MAPK10: variants seen among roughly 807,000 people sequenced by gnomAD.
MAPK10 encodes the protein mitogen-activated protein kinase 10, also known as JNK3 alpha protein kinase.
A neutral mutation model predicts 59.3 loss-of-function variants in MAPK10; 25 were observed. That is an observed-to-expected ratio of 0.42 (90% CI 0.31 to 0.59). The LOEUF (loss-of-function observed/expected upper bound fraction) is 0.59, where lower values mean the gene tolerates loss of function less well. Ranked by LOEUF, MAPK10 falls within the 20% of genes least tolerant of loss-of-function variation. The pLI, the probability that MAPK10 is intolerant of heterozygous loss-of-function variation, is 0.15. For synonymous variants in MAPK10, 190 were observed against 200.5 expected (o/e 0.95, Z 0.44); for missense variants, 351 against 568.9 (o/e 0.62, Z 3.90).
At chr4:86,411,651 T>C (rs999330546) in intron 1 of MAPK10, among the ~76,000 whole-genome samples, 14 of 152,230 alleles carry the variant, frequency 9.2e-5, no homozygotes, top group African/African-American at 3.4e-4. Flanking sequence ...TACCATTATG[T>C]AATGGCCTTC....
At chr4:86,076,244 G>C (rs1406436340) in intron 9 of MAPK10, among the ~76,000 whole-genome samples, 1 of 152,176 alleles carries the variant, frequency 6.6e-6, no homozygotes, top group African/African-American at 2.4e-5. Context: ...GCCTCGCCCT[G>C]CTTCGGCTCG....
At chr4:86,136,442 A>G (rs527814595) in intron 4 of MAPK10, among the ~76,000 whole-genome samples, 3 of 151,944 alleles carry the variant, frequency 2.0e-5, no homozygotes, top group South Asian at 2.1e-4. Context: ...ACTAAGCTTC[A>G]TAAGTGAAGG....
chr4:86,451,906 G>A (rs924251494), intron 1 of MAPK10, among the ~76,000 whole-genome samples: 3 of 152,136 alleles, frequency 2.0e-5, no homozygotes, highest in African/African-American at 7.2e-5. Context: ...CTCATCTGGG[G>A]CCTGTGTGCA....
intron 4 of MAPK10, among the ~76,000 whole-genome samples, chr4:86,108,299 C>CTT (rs1277772155): frequency 6.6e-6 from 1 of 152,068 alleles, no homozygotes; most frequent in Non-Finnish European, 1.5e-5. Flanking sequence ...GAGAGAGGCT[C>CTT]TTTTTGCCAT....
intron 13 of MAPK10, among the ~76,000 whole-genome samples, chr4:86,023,685 T>C (rs1748570268): frequency 6.6e-6 from 1 of 151,666 alleles, no homozygotes; most frequent in Non-Finnish European, 1.5e-5. Flanking sequence ...TATGTATTTC[T>C]TGATGCTATT....
intron 1 of MAPK10, among the ~76,000 whole-genome samples, chr4:86,365,961 C>T (rs1392594386): frequency 6.6e-6 from 1 of 152,080 alleles, no homozygotes; most frequent in East Asian, 1.9e-4. Context: ...TATTTAATGG[C>T]ATGTGTGTAG....
chr4:86,325,346 T>A (rs925949162), intron 2 of MAPK10, among the ~76,000 whole-genome samples: 1 of 152,220 alleles, frequency 6.6e-6, no homozygotes, highest in African/African-American at 2.4e-5. Context: ...TCACTACTAT[T>A]ATCTCCATTC....
At chr4:86,225,691 C>T (rs2090484872) in intron 2 of MAPK10, among the ~76,000 whole-genome samples, 1 of 152,166 alleles carries the variant, frequency 6.6e-6, no homozygotes, top group South Asian at 2.1e-4. Context: ...GAATATATCA[C>T]TTATTGCTAT....
intron 2 of MAPK10, among the ~76,000 whole-genome samples, chr4:86,236,945 G>A (rs2092289638): frequency 6.6e-6 from 1 of 152,112 alleles, no homozygotes. Flanking sequence ...GTGCCATGGT[G>A]GTTTGCTGCA....
intron 2 of MAPK10, chr4:86,336,606 C>G (rs974974427): frequency 3.3e-5 from 5 of 152,080 alleles, no homozygotes; most frequent in African/African-American, 1.2e-4. Context: ...GGGAGGTCTT[C>G]CCTCATCCCT....
chr4:86,125,453 A>T lies in MAPK10; in HGVS notation c.237-18101T>A, dbSNP rs906714621. 2.0e-5 allele frequency: 3 copies of T among 152,024 alleles called. No homozygotes were observed. The East Asian group carries it at 5.8e-4, about 29-fold the overall frequency. The allele number at this position is 152,024 out of a possible 1,614,324, so 9.4% of individuals were successfully genotyped here. On this transcript the variant is annotated intron_variant, in intron 4 of 13. Coordinates refer to ENST00000641462, the MANE Select transcript of MAPK10 (RefSeq NM_138982.4). ...AATAACATTATTTTTACGACCATCA[A>T]TATAATATATTTTAGCATGTACTTT...
At chr4:86,563,296 CT>C (rs773590217) in intron 1 of MAPK10, among the ~76,000 whole-genome samples, 50 of 151,916 alleles carry the variant, frequency 3.3e-4, no homozygotes, top group Non-Finnish European at 6.5e-4. Flanking sequence ...TTACAGGAAA[CT>C]TTTGATTGCC....
intron 1 of MAPK10, among the ~76,000 whole-genome samples, chr4:86,477,438 C>G (rs1443518966): frequency 6.6e-6 from 1 of 152,056 alleles, no homozygotes; most frequent in African/African-American, 2.4e-5. Context: ...AGTTCAAAGC[C>G]TCCTTCACAT....
intron 1 of MAPK10, among the ~76,000 whole-genome samples, chr4:86,575,683 G>A (rs890949491): frequency 2.6e-5 from 4 of 151,520 alleles, no homozygotes; most frequent in African/African-American, 9.7e-5. Flanking sequence ...CTAGTCTGTT[G>A]ATATGCAGAG....
chr4:86,216,013 T>C (rs543901491), intron 2 of MAPK10, among the ~76,000 whole-genome samples: 14 of 152,096 alleles, frequency 9.2e-5, no homozygotes, highest in East Asian at 7.7e-4. Context: ...TTGTGCCCTA[T>C]TGGTGAAAAT....
At chr4:86,544,961 G>A (rs1003555792) in intron 1 of MAPK10, among the ~76,000 whole-genome samples, 2 of 151,848 alleles carry the variant, frequency 1.3e-5, no homozygotes, top group Admixed American at 6.6e-5. Context: ...ATGGAAGGGA[G>A]AAAGAGAGGA....
intron 1 of MAPK10, among the ~76,000 whole-genome samples, chr4:86,376,595 C>T (rs1739847099): frequency 6.6e-6 from 1 of 152,154 alleles, no homozygotes; most frequent in Admixed American, 6.5e-5. Context: ...AACATCCTCC[C>T]TAATAGTTAA....
chr4:86,183,447 T>C (rs1024919551), intron 3 of MAPK10, among the ~76,000 whole-genome samples: 26 of 152,216 alleles, frequency 1.7e-4, no homozygotes, highest in Admixed American at 7.9e-4. Context: ...GCTTCATCCA[T>C]GTCCCTACAA....
At position 86,564,123 on chromosome 4, in the gene MAPK10, C is replaced by T. The variant is rs545307835; in HGVS notation, c.-263+29787G>A. Among the ~76,000 whole-genome samples, 114 of 152,290 alleles carry T rather than the reference C, an allele frequency of 7.5e-4. 1 individual carries two copies. The highest frequency in any genetic ancestry group is 1.4e-3 in the Non-Finnish European group (97 of 68,030). On this transcript the variant is annotated intron_variant, in intron 1 of 4. Transcript: ENST00000502302. ...CTGGGATTACAGGCATAAGCCACCA[C>T]GCCTGGCCCAAAACTTATGAATTGC...
Sources: gnomAD v4.1 joint callset for allele counts (sites outside exome capture counted in the v4.1 genomes callset) on GRCh38, gnomAD v4.1.1 for gene constraint, MANE v1.5 for transcripts, NCBI Gene and HGNC (gene_info 2026-07-23, HGNC 2026-07-21) for gene names.